AK5: variants seen among roughly 807,000 people sequenced by gnomAD.
The protein encoded by AK5 is adenylate kinase 5, also known as adenylate kinase isoenzyme 5.
A neutral mutation model predicts 69.5 loss-of-function variants in AK5; 27 were observed. That is an observed-to-expected ratio of 0.39 (90% CI 0.29 to 0.54). AK5 has a LOEUF of 0.54. AK5 is among the 20% of genes least tolerant of loss of function. The probability of loss-of-function intolerance (pLI) is 0.71; values close to 1 mark genes in which losing one functional copy is unlikely to be tolerated. For synonymous variants in AK5, 260 were observed against 244.4 expected (o/e 1.06, Z -0.60); for missense variants, 531 against 700.4 (o/e 0.76, Z 2.73).
chr1:77,453,752 A>G (rs1653304176), intron 8 of AK5, among the ~76,000 whole-genome samples: 1 of 152,226 alleles, frequency 6.6e-6, no homozygotes, highest in Admixed American at 6.5e-5. Flanking sequence ...TTCCTCACAA[A>G]GAAGATGAGG....
chr1:77,287,992 C>T (rs1200793886), intron 2 of AK5, among the ~76,000 whole-genome samples: 4 of 152,128 alleles, frequency 2.6e-5, no homozygotes, highest in African/African-American at 9.7e-5. Context: ...GTACAGAGTC[C>T]TTCTCAGGCC....
At chr1:77,340,271 C>T (rs1661579315) in intron 5 of AK5, 106 bp from the exon 6 acceptor site, 2 of 1,158,694 alleles carry the variant, frequency 1.7e-6, no homozygotes, top group African/African-American at 1.5e-5. Context: ...CATAGAGGGC[C>T]AAATATATGG....
chr1:77,471,317 T>C (rs1175135060), intron 8 of AK5, among the ~76,000 whole-genome samples: 1 of 152,156 alleles, frequency 6.6e-6, no homozygotes, highest in African/African-American at 2.4e-5. Context: ...TTTAGATCTG[T>C]CAAATGGGGA....
At chr1:77,308,299 G>C (rs1389722583) in intron 5 of AK5, among the ~76,000 whole-genome samples, 4 of 151,992 alleles carry the variant, frequency 2.6e-5, no homozygotes, top group Non-Finnish European at 5.9e-5. Context: ...GAGGAGATAA[G>C]ACTGTACTTA....
intron 6 of AK5, among the ~76,000 whole-genome samples, chr1:77,408,666 T>G (rs936298549): frequency 1.3e-5 from 2 of 152,126 alleles, no homozygotes; most frequent in Non-Finnish European, 2.9e-5. Flanking sequence ...AAACTTATAA[T>G]CTGCATATTT....
At chr1:77,309,021 G>A (rs992046719) in intron 5 of AK5, among the ~76,000 whole-genome samples, 1 of 149,120 alleles carries the variant, frequency 6.7e-6, no homozygotes, top group African/African-American at 2.5e-5. Flanking sequence ...AGTGGGAGCA[G>A]AACAATGAGA....
intron 6 of AK5, among the ~76,000 whole-genome samples, chr1:77,355,242 G>A (rs1172376458): frequency 2.0e-5 from 3 of 152,168 alleles, no homozygotes; most frequent in Admixed American, 1.3e-4. Context: ...TGACTGCAGC[G>A]TACTTGTGAT....
At chr1:77,413,194 C>G (rs146086268) in intron 7 of AK5, among the ~76,000 whole-genome samples, 1 of 152,228 alleles carries the variant, frequency 6.6e-6, no homozygotes, top group African/African-American at 2.4e-5. Context: ...ACCAGCTTCC[C>G]CCAGTTCTCT....
At chr1:77,526,250 C>T (rs1223116134) in intron 12 of AK5, among the ~76,000 whole-genome samples, 4 of 151,978 alleles carry the variant, frequency 2.6e-5, no homozygotes, top group African/African-American at 9.7e-5. Flanking sequence ...GTGGTACAAA[C>T]GTTGAGAAGC....
intron 5 of AK5, among the ~76,000 whole-genome samples, chr1:77,316,428 G>C (rs1229440366): frequency 1.3e-5 from 2 of 151,888 alleles, no homozygotes; most frequent in African/African-American, 4.8e-5. Flanking sequence ...TTCTGAGTTT[G>C]AGTGAGTGAG....
At chr1:77,339,625 T>C (rs1244774823) in intron 5 of AK5, among the ~76,000 whole-genome samples, 1 of 150,754 alleles carries the variant, frequency 6.6e-6, no homozygotes, top group African/African-American at 2.4e-5. Context: ...TTGCAGATTG[T>C]TGTAAAATTT....
At chr1:77,306,592 A>C (rs1346276075) in intron 5 of AK5, among the ~76,000 whole-genome samples, 1 of 142,854 alleles carries the variant, frequency 7.0e-6, no homozygotes. Flanking sequence ...TGGTTTTGGT[A>C]TCAAGGTAAT....
chr1:77,369,864 A>T (rs1416035365), intron 6 of AK5, among the ~76,000 whole-genome samples: 2 of 152,248 alleles, frequency 1.3e-5, no homozygotes, highest in Admixed American at 1.3e-4. Context: ...AGGAAAACAA[A>T]CAAGTTTTAG....
At chr1:77,353,939 G>A (rs958873768) in intron 6 of AK5, among the ~76,000 whole-genome samples, 1 of 152,210 alleles carries the variant, frequency 6.6e-6, no homozygotes, top group Admixed American at 6.5e-5. Context: ...GAGGAAGGAT[G>A]TACAAAAGGC....
intron 13 of AK5, among the ~76,000 whole-genome samples, chr1:77,551,889 C>CG (rs1557669902): frequency 6.6e-6 from 1 of 152,212 alleles, no homozygotes; most frequent in South Asian, 2.1e-4. Flanking sequence ...GAGCCAGGCA[C>CG]GGGGGGATAC....
At chr1:77,319,959 A>G (rs1322909350) in intron 5 of AK5, among the ~76,000 whole-genome samples, 2 of 152,232 alleles carry the variant, frequency 1.3e-5, no homozygotes, top group Admixed American at 6.5e-5. Flanking sequence ...CAGAAGGTGT[A>G]TTAGTCCATT....
chr1:77,383,111 G>A (rs1182847386), intron 6 of AK5, among the ~76,000 whole-genome samples: 3 of 152,136 alleles, frequency 2.0e-5, no homozygotes, highest in Admixed American at 1.3e-4. Context: ...ATCATAATGA[G>A]TATTTGAATA....
intron 6 of AK5, among the ~76,000 whole-genome samples, chr1:77,359,529 G>C (rs1646824294): frequency 1.4e-5 from 2 of 148,110 alleles, no homozygotes; most frequent in African/African-American, 5.0e-5. Flanking sequence ...GTATACTGTT[G>C]ATAATCTGAA....
At chr1:77,526,782 T>G (rs958803768) in intron 12 of AK5, among the ~76,000 whole-genome samples, 4 of 151,838 alleles carry the variant, frequency 2.6e-5, no homozygotes, top group African/African-American at 9.7e-5. Context: ...CCAAGTCTTT[T>G]TTTTTTTTTA....
Sources: allele counts gnomAD v4.1 joint callset (sites outside exome capture counted in the v4.1 genomes callset), GRCh38; gene constraint gnomAD v4.1.1; transcripts MANE v1.5; gene names NCBI Gene and HGNC (gene_info 2026-07-23, HGNC 2026-07-21).